The following SLC22A3 variants were observed in gnomAD, a reference collection of about 807,000 sequenced individuals.
SLC22A3 encodes solute carrier family 22 member 3, also known as EMT organic cation transporter 3.
SLC22A3 carries 51 observed loss-of-function variants against 59.1 expected under a neutral mutation model. That is an observed-to-expected ratio of 0.86 (90% CI 0.69 to 1.09). SLC22A3 has a LOEUF of 1.09. Ranked by LOEUF, SLC22A3 falls within the 50% of genes least tolerant of loss-of-function variation. The pLI, the probability that SLC22A3 is intolerant of heterozygous loss-of-function variation, is 0.00. For missense variants in SLC22A3, 711 were observed against 726.3 expected (o/e 0.98, Z 0.24); for synonymous variants, 325 against 292.0 (o/e 1.11, Z -1.15).
intron 5 of SLC22A3, among the ~76,000 whole-genome samples, chr6:160,416,535 G>C (rs59777231): frequency 6.6e-6 from 1 of 151,716 alleles, no homozygotes; most frequent in Non-Finnish European, 1.5e-5. Context: ...GCATGACAGC[G>C]TCTCACAATG....
rs1788995641 is a variant in SLC22A3 at position 160,452,234 on chromosome 6, A to ATACTT, written c.*1181_*1185dup. On this transcript the variant is annotated 3_prime_UTR_variant, in exon 11 of 11. Transcript: ENST00000275300. ...TTTTATGCTGAGTTTTAAAAATGAA[A>ATACTT]TACTTTATGCAAACAGGCAAAATTG... 2 of 152,248 alleles carry ATACTT rather than the reference A, an allele frequency of 1.3e-5. No individual in the cohort carries two copies. The highest frequency in any genetic ancestry group is 2.9e-5 in the Non-Finnish European group (2 of 68,048). 9.4% of individuals were successfully genotyped at this position (152,248 alleles called of 1,614,324 possible). A position where few individuals can be genotyped will look rare whatever the true frequency, so the allele number is the denominator to read the frequency against.
chr6:160,401,732 T>C (rs1372806001), intron 2 of SLC22A3, among the ~76,000 whole-genome samples: 1 of 151,964 alleles, frequency 6.6e-6, no homozygotes, highest in Non-Finnish European at 1.5e-5. Context: ...CATAAGCATA[T>C]ATAGAGTATT....
chr6:160,394,364 C>G (rs2114824717), intron 1 of SLC22A3, among the ~76,000 whole-genome samples: 1 of 152,310 alleles, frequency 6.6e-6, no homozygotes, highest in Middle Eastern at 3.4e-3. Context: ...TTGGTGCCCG[C>G]TAATCTCTCT....
intron 1 of SLC22A3, among the ~76,000 whole-genome samples, chr6:160,384,979 C>T (rs527701296): frequency 7.8e-4 from 119 of 152,308 alleles, no homozygotes; most frequent in African/African-American, 2.4e-3. Flanking sequence ...ACCAGCGCTC[C>T]GGGTCCTGCT....
chr6:160,408,251 T>C (rs1787101132), intron 3 of SLC22A3, among the ~76,000 whole-genome samples: 1 of 152,186 alleles, frequency 6.6e-6, no homozygotes, highest in Non-Finnish European at 1.5e-5. Flanking sequence ...AGTATAACAC[T>C]GTGGAGAGAA....
Position 160,381,357 on chromosome 6 carries a change from GA to G in SLC22A3, c.430-16621del, listed in dbSNP as rs534448282. Among the ~76,000 whole-genome samples, 193 of 152,246 alleles carry G rather than the reference GA, an allele frequency of 1.3e-3. 1 individual carries two copies. Among genetic ancestry groups the G allele is most frequent in the South Asian group, 4.8e-3 (23 of 4,820 alleles). ...ATTCTGAAACTTGAACTTCAAATAG[GA>G]GTTATGGCTGATATCATGGAGTAAG... On this transcript the variant is annotated intron_variant, in intron 1 of 10. Transcript: ENST00000275300.
chr6:160,392,462 T>C (rs1293526703), intron 1 of SLC22A3, among the ~76,000 whole-genome samples: 1 of 152,222 alleles, frequency 6.6e-6, no homozygotes, highest in Non-Finnish European at 1.5e-5. Flanking sequence ...GCTCCCAAAC[T>C]ATATAACAAG....
At chr6:160,363,448 A>G (rs796778873) in intron 1 of SLC22A3, among the ~76,000 whole-genome samples, 17 of 152,114 alleles carry the variant, frequency 1.1e-4, no homozygotes, top group African/African-American at 4.1e-4. Context: ...TGTTCACAAG[A>G]GCGGGGCCCT....
intron 1 of SLC22A3, among the ~76,000 whole-genome samples, chr6:160,351,185 G>A (rs566585941): frequency 3.3e-5 from 5 of 152,218 alleles, no homozygotes; most frequent in Non-Finnish European, 7.4e-5. Flanking sequence ...GCGTGATCTC[G>A]GCTTACTGCA....
intron 1 of SLC22A3, among the ~76,000 whole-genome samples, chr6:160,397,600 G>A (rs1339149034): frequency 1.3e-5 from 2 of 151,904 alleles, no homozygotes; most frequent in Admixed American, 1.3e-4. Flanking sequence ...TGGGCGTGGT[G>A]GCGCACACCT....
chr6:160,382,199 G>C (rs192136579), intron 1 of SLC22A3, among the ~76,000 whole-genome samples: 1 of 152,116 alleles, frequency 6.6e-6, no homozygotes, highest in African/African-American at 2.4e-5. Flanking sequence ...CCATGTGCAC[G>C]TTGGGTGATA....
intron 5 of SLC22A3, among the ~76,000 whole-genome samples, chr6:160,421,697 G>GTGTA (rs1419935285): frequency 6.6e-6 from 1 of 152,200 alleles, no homozygotes; most frequent in South Asian, 2.1e-4. Context: ...TCTGGGAGTT[G>GTGTA]TGTAGGCATC....
At chr6:160,407,565 G>A (rs555544095) in intron 3 of SLC22A3, among the ~76,000 whole-genome samples, 1 of 152,214 alleles carries the variant, frequency 6.6e-6, no homozygotes, top group African/African-American at 2.4e-5. Context: ...TCTCTGCACT[G>A]TGTTATGTGA....
intron 5 of SLC22A3, among the ~76,000 whole-genome samples, chr6:160,413,193 C>T (rs1287857054): frequency 6.6e-6 from 1 of 152,164 alleles, no homozygotes; most frequent in African/African-American, 2.4e-5. Flanking sequence ...CCCGAAGCAG[C>T]TGCTGTTACA....
intron 5 of SLC22A3, among the ~76,000 whole-genome samples, chr6:160,428,427 T>C (rs1023283043): frequency 2.0e-5 from 3 of 152,238 alleles, no homozygotes. Context: ...CCTAGCCTCA[T>C]GTGCAGTCAA....
At chr6:160,409,103 G>A (rs1337808050) in intron 4 of SLC22A3, among the ~76,000 whole-genome samples, 182 bp downstream of exon 4, 1 of 124,220 alleles carries the variant, frequency 8.1e-6, no homozygotes, top group Non-Finnish European at 1.6e-5. Context: ...CATGTGCCAC[G>A]CTGGTGCGCT....
intron 1 of SLC22A3, among the ~76,000 whole-genome samples, chr6:160,358,704 C>G (rs1181668125): frequency 6.6e-6 from 1 of 152,226 alleles, no homozygotes; most frequent in African/African-American, 2.4e-5. Context: ...TGTGGAAGGT[C>G]CTGGGCACAT....
chr6:160,379,321 A>T (rs538827894), intron 1 of SLC22A3, among the ~76,000 whole-genome samples: 1 of 152,138 alleles, frequency 6.6e-6, no homozygotes, highest in African/African-American at 2.4e-5. Flanking sequence ...TGCTCCTTAC[A>T]TGGGGTCTTA....
At chr6:160,389,242 T>C (rs1786148094) in intron 1 of SLC22A3, among the ~76,000 whole-genome samples, 2 of 151,966 alleles carry the variant, frequency 1.3e-5, no homozygotes, top group Admixed American at 6.5e-5. Context: ...TCATGAGCCA[T>C]TTTTTTGTCT....
Sources: gnomAD v4.1 joint callset for allele counts (sites outside exome capture counted in the v4.1 genomes callset) on GRCh38, gnomAD v4.1.1 for gene constraint, MANE v1.5 for transcripts, NCBI Gene and HGNC (gene_info 2026-07-23, HGNC 2026-07-21) for gene names.